Variants in IL1RAPL1 observed in about 807,000 individuals in gnomAD.
The protein encoded by IL1RAPL1 is interleukin 1 receptor accessory protein like 1, also known as interleukin-1 receptor accessory protein-like 1.
Under a neutral mutation model 48.4 loss-of-function variants are expected in IL1RAPL1, and 3 were observed. The observed-to-expected ratio is 0.06, with a 90% CI of 0.03 to 0.16. The LOEUF is 0.16. Ranked by LOEUF, IL1RAPL1 falls within the 10% of genes least tolerant of loss-of-function variation. The pLI, the probability that IL1RAPL1 is intolerant of heterozygous loss-of-function variation, is 1.00. For synonymous variants in IL1RAPL1, 185 were observed against 187.7 expected (o/e 0.99, Z 0.12); for missense variants, 349 against 530.6 (o/e 0.66, Z 3.36).
chrX:29,327,108 T>A (rs1214782163), intron 3 of IL1RAPL1, among the ~76,000 whole-genome samples: 2 of 111,443 alleles, frequency 1.8e-5, no homozygotes, highest in Admixed American at 9.6e-5. Flanking sequence ...CAAATTAGAA[T>A]CTCTAATAGT....
At chrX:29,909,239 G>C (rs979164131) in intron 6 of IL1RAPL1, among the ~76,000 whole-genome samples, 1 of 110,665 alleles carries the variant, frequency 9.0e-6, no homozygotes, top group East Asian at 2.8e-4. Context: ...AATTAGCTAG[G>C]CACACCAACC....
intron 2 of IL1RAPL1, among the ~76,000 whole-genome samples, chrX:29,174,480 A>G (rs900225012): frequency 8.9e-6 from 1 of 112,288 alleles, no homozygotes; most frequent in African/African-American, 3.2e-5. Context: ...TTTAGGTTAC[A>G]TTGTCTTGCT....
intron 2 of IL1RAPL1, among the ~76,000 whole-genome samples, chrX:29,080,636 CA>C (rs746533497): frequency 1.2e-3 from 124 of 106,507 alleles, no homozygotes; most frequent in African/African-American, 3.7e-3. Flanking sequence ...CTTAGAATCA[CA>C]AAAAAAAGAC....
chrX:29,083,426 TAATA>T (rs1269270955), intron 2 of IL1RAPL1, among the ~76,000 whole-genome samples: 1 of 112,121 alleles, frequency 8.9e-6, no homozygotes, highest in African/African-American at 3.2e-5. Context: ...CACTGTGCTC[TAATA>T]AATCCTGAAA....
chrX:29,885,574 G>A (rs1258526447), intron 6 of IL1RAPL1, among the ~76,000 whole-genome samples: 2 of 111,747 alleles, frequency 1.8e-5, no homozygotes, highest in African/African-American at 3.3e-5. Flanking sequence ...ACTTTAGGAG[G>A]CTGAGGCAGG....
chrX:28,699,165 A>G (rs1295716502), intron 1 of IL1RAPL1, among the ~76,000 whole-genome samples: 1 of 112,161 alleles, frequency 8.9e-6, no homozygotes, highest in Non-Finnish European at 1.9e-5. Flanking sequence ...CAGAGAATGA[A>G]TTTCTATTTG....
chrX:29,149,350 T>C (rs1483227566), intron 2 of IL1RAPL1, among the ~76,000 whole-genome samples: 2 of 111,173 alleles, frequency 1.8e-5, no homozygotes, highest in Non-Finnish European at 3.8e-5. Flanking sequence ...AAACAACTGA[T>C]ATAAAGTGGA....
chrX:29,894,840 T>C (rs971704761), intron 6 of IL1RAPL1, among the ~76,000 whole-genome samples: 2 of 110,716 alleles, frequency 1.8e-5, no homozygotes, highest in Admixed American at 9.6e-5. Flanking sequence ...TTCTTTTTTT[T>C]ATTTTTGAGA....
intron 2 of IL1RAPL1, among the ~76,000 whole-genome samples, chrX:28,811,163 A>G (rs1396176723): frequency 1.8e-5 from 2 of 110,614 alleles, no homozygotes; most frequent in East Asian, 2.8e-4. Context: ...AAGCTTGTTG[A>G]ATTATTTCAA....
intron 6 of IL1RAPL1, among the ~76,000 whole-genome samples, chrX:29,766,380 G>GATAT (rs1928898896): frequency 1.2e-5 from 1 of 84,976 alleles, no homozygotes; most frequent in African/African-American, 5.0e-5. Context: ...TAGATAGATA[G>GATAT]ATAGATATTT....
chrX:29,862,331 G>T (rs1601856132), intron 6 of IL1RAPL1, among the ~76,000 whole-genome samples: 1 of 111,502 alleles, frequency 9.0e-6, no homozygotes, highest in African/African-American at 3.3e-5. Flanking sequence ...GGTGTGTAAA[G>T]GTACCTCTCA....
At chrX:28,779,632 G>GTATATA (rs1208199471) in intron 1 of IL1RAPL1, among the ~76,000 whole-genome samples, 23 of 54,625 alleles carry the variant, frequency 4.2e-4, no homozygotes, top group Non-Finnish European at 5.0e-4. Flanking sequence ...GTGTGTGTGT[G>GTATATA]TGTATATATA....
chrX:29,142,489 A>G (rs888597258), intron 2 of IL1RAPL1, among the ~76,000 whole-genome samples: 6 of 111,747 alleles, frequency 5.4e-5, no homozygotes, highest in Admixed American at 1.9e-4. Flanking sequence ...TCAGAAAAGA[A>G]CCCTAGTGGA....
chrX:28,725,911 A>G (rs1002136640), intron 1 of IL1RAPL1, among the ~76,000 whole-genome samples: 1 of 112,463 alleles, frequency 8.9e-6, no homozygotes, highest in Non-Finnish European at 1.9e-5. Flanking sequence ...GTATTTAGAA[A>G]AGCATCATGT....
chrX:29,582,310 A>G (rs1461556393), intron 5 of IL1RAPL1, among the ~76,000 whole-genome samples: 2 of 110,934 alleles, frequency 1.8e-5, no homozygotes, highest in African/African-American at 6.5e-5. Flanking sequence ...TTTTTGGTAT[A>G]CAAATATAGC....
intron 5 of IL1RAPL1, among the ~76,000 whole-genome samples, chrX:29,606,148 T>C (rs1459759218): frequency 8.9e-6 from 1 of 111,999 alleles, no homozygotes; most frequent in Non-Finnish European, 1.9e-5. Context: ...TAAGAAAAAA[T>C]ATTACAAAGA....
At chrX:29,168,555 G>GTATATA (rs751368369) in intron 2 of IL1RAPL1, among the ~76,000 whole-genome samples, 1,418 of 52,466 alleles carry the variant, frequency 0.027, 131 homozygotes, top group African/African-American at 0.064. Flanking sequence ...GTATTCAATT[G>GTATATA]TATATATATA....
chrX:29,940,140 T>C (rs1933102221), intron 8 of IL1RAPL1, among the ~76,000 whole-genome samples: 1 of 111,160 alleles, frequency 9.0e-6, no homozygotes, highest in South Asian at 3.8e-4. Flanking sequence ...TGGGATTACA[T>C]GTGTGAGCCA....
chrX:29,410,859 A>G (rs1934134904), intron 5 of IL1RAPL1, among the ~76,000 whole-genome samples: 1 of 112,225 alleles, frequency 8.9e-6, no homozygotes. Flanking sequence ...TAGAAGTAAT[A>G]GACATCTGCT....
Sources: allele counts gnomAD v4.1 joint callset (sites outside exome capture counted in the v4.1 genomes callset), GRCh38; gene constraint gnomAD v4.1.1; transcripts MANE v1.5; gene names NCBI Gene and HGNC (gene_info 2026-07-23, HGNC 2026-07-21).